The following EBF3 variants were observed in gnomAD, a reference collection of about 807,000 sequenced individuals.
EBF3 encodes EBF transcription factor 3.
In EBF3, 18 loss-of-function variants were observed where a neutral mutation model predicts 77.1. The observed-to-expected ratio is 0.23, with a 90% confidence interval of 0.16 to 0.35. The LOEUF is 0.35. EBF3 is among the 10% of genes least tolerant of loss of function. The pLI is 1.00. For synonymous variants in EBF3, 350 were observed against 343.5 expected, an observed-to-expected ratio of 1.02 and a Z score of -0.21; for missense variants, 558 against 860.0, an observed-to-expected ratio of 0.65 and a Z score of 4.39.
chr10:129,949,952 C>T (rs537305520), intron 6 of EBF3, among the ~76,000 whole-genome samples: 53 of 150,744 alleles, frequency 3.5e-4, no homozygotes, highest in Admixed American at 9.9e-4. Context: ...ACCCTGCCCC[C>T]AACTGCTTTC....
At chr10:129,916,063 G>A (rs1023550761) in intron 6 of EBF3, among the ~76,000 whole-genome samples, 19 of 152,358 alleles carry the variant, frequency 1.2e-4, no homozygotes, top group African/African-American at 4.6e-4. Context: ...GGGCTCCGAG[G>A]GGGAAGGAGA....
chr10:129,908,864 G>C (rs1855324505), intron 6 of EBF3, among the ~76,000 whole-genome samples: 2 of 152,160 alleles, frequency 1.3e-5, no homozygotes, highest in South Asian at 4.1e-4. Context: ...ACACCAATAA[G>C]TATGGCCCAT....
chr10:129,892,462 G>C (rs1415280422), intron 6 of EBF3, among the ~76,000 whole-genome samples: 1 of 152,180 alleles, frequency 6.6e-6, no homozygotes, highest in African/African-American at 2.4e-5. Context: ...CACGGATGCC[G>C]GACACCTGTG....
intron 6 of EBF3, among the ~76,000 whole-genome samples, chr10:129,924,354 G>T (rs891417564): frequency 6.6e-6 from 1 of 151,332 alleles, no homozygotes; most frequent in African/African-American, 2.4e-5. Flanking sequence ...AGTGGAGGTT[G>T]CAGGGAGCCA....
chr10:129,961,443 T>C (rs1285959476), intron 4 of EBF3, among the ~76,000 whole-genome samples: 1 of 152,216 alleles, frequency 6.6e-6, no homozygotes, highest in Non-Finnish European at 1.5e-5. Flanking sequence ...TGACGCACTT[T>C]TCTCCACTTA....
chr10:129,945,985 C>T (rs903396443), intron 6 of EBF3, among the ~76,000 whole-genome samples: 10 of 149,740 alleles, frequency 6.7e-5, no homozygotes, highest in African/African-American at 2.0e-4. Context: ...AGTTTCCACT[C>T]GTTAGAAGAT....
At chr10:129,937,022 G>A (rs1006514749) in intron 6 of EBF3, among the ~76,000 whole-genome samples, 1 of 152,212 alleles carries the variant, frequency 6.6e-6, no homozygotes, top group Non-Finnish European at 1.5e-5. Context: ...CATCTCCTAC[G>A]TGATGCATGC....
chr10:129,859,692 C>T (rs1412820429), intron 10 of EBF3, among the ~76,000 whole-genome samples: 2 of 152,266 alleles, frequency 1.3e-5, no homozygotes, highest in Non-Finnish European at 2.9e-5. Context: ...CATGAAACCA[C>T]GAGCAGCCAG....
Position 129,889,946 on chromosome 10 carries a change from C to CTTTTTTTTT in EBF3, c.555-12106_555-12098dup, listed in dbSNP as rs10665456. 1.9e-4 allele frequency among the ~76,000 whole-genome samples: 16 copies of CTTTTTTTTT among 82,892 alleles called. 2 individuals are homozygous for CTTTTTTTTT. Among genetic ancestry groups the CTTTTTTTTT allele is most frequent in the East Asian group, 5.0e-4 (1 of 2,016 alleles). 54.4% of individuals were successfully genotyped at this position (82,892 alleles called of 152,430 possible). On this transcript the variant is annotated intron_variant, in intron 6 of 16. Coordinates refer to ENST00000440978, the MANE Select transcript of EBF3 (RefSeq NM_001375380.1). The stretch of plus-strand genomic sequence containing the variant: ...AAATGAGCAAAGCCCATTGAAGTGC[C>CTTTTTTTTT]TTTTTTTTTTTTTTTTTTTTTTTTT...
intron 10 of EBF3, among the ~76,000 whole-genome samples, chr10:129,860,105 A>G (rs1205446525): frequency 6.6e-6 from 1 of 151,972 alleles, no homozygotes; most frequent in Non-Finnish European, 1.5e-5. Flanking sequence ...AGGTGATCAC[A>G]CTTATTTTGT....
chr10:129,930,639 T>C (rs1331835174), intron 6 of EBF3, among the ~76,000 whole-genome samples: 2 of 146,754 alleles, frequency 1.4e-5, no homozygotes, highest in African/African-American at 2.5e-5. Flanking sequence ...TATCTCTATA[T>C]TAACAAATCC....
intron 8 of EBF3, among the ~76,000 whole-genome samples, chr10:129,872,182 C>G (rs891693558): frequency 1.3e-5 from 2 of 152,184 alleles, no homozygotes; most frequent in Non-Finnish European, 2.9e-5. Context: ...GCTCCACTCT[C>G]TAGGGAAGCG....
Position 129,842,217 on chromosome 10 carries a change from G to T in EBF3, c.1271C>A (p.Thr424Asn), listed in dbSNP as rs1018953847. ...SVPRNHNQIP[T>N]LGNNPAHTGM... ...CGTGTGTGCAGGGTTGTTGCCCAGG[G>T]TGGGGATCTGGTTGTGATTGCGGGG... Residue 424 changes from threonine to asparagine, a missense_variant, in exon 13 of 17, where the codon ACC becomes AAC. By Grantham distance (65) the Thr-to-Asn change is moderately conservative (BLOSUM62 0). Around this residue, in one of 5 missense-constraint regions of EBF3, gnomAD observed 284 missense variants for 368.3 expected, o/e 0.77. Coordinates refer to ENST00000440978, the MANE Select transcript of EBF3 (RefSeq NM_001375380.1). The surrounding 1 kb of genome is among the most constrained non-coding windows in gnomAD (Gnocchi z 4.4). 1.9e-6 allele frequency: 3 copies of T among 1,614,098 alleles called. No individual in the cohort carries two copies. The highest frequency in any genetic ancestry group is 2.5e-6 in the Non-Finnish European group (3 of 1,180,038).
Position 129,842,358 on chromosome 10 carries a change from G to A in EBF3, c.1195-65C>T, listed in dbSNP as rs938808510. On this transcript the variant is annotated intron_variant, in intron 12 of 16. Coordinates refer to ENST00000440978, the MANE Select transcript of EBF3 (RefSeq NM_001375380.1). This position sits in a 1 kb window ranked among gnomAD's most constrained non-coding sequence, Gnocchi z 4.4. ...GCCCGGCCCAGCTGGCCGCACTCTC[G>A]GGGGCCCACCATGGTGGCATCCCAC... is the stretch of plus-strand genomic sequence containing the variant. 4.5e-5 allele frequency: 68 copies of A among 1,513,324 alleles called. No individual in the cohort carries two copies. The highest frequency in any genetic ancestry group is 1.1e-4 in the Admixed American group (5 of 45,888). The allele number at this position is 1,513,324 out of a possible 1,614,324, so 93.7% of individuals were successfully genotyped here.
At chr10:129,932,842 C>T (rs1364441752) in intron 6 of EBF3, among the ~76,000 whole-genome samples, 5 of 152,116 alleles carry the variant, frequency 3.3e-5, no homozygotes, top group African/African-American at 1.2e-4. Context: ...CTCAAACAAC[C>T]CAGCCTTCAC....
At chr10:129,874,105 G>T (rs1447818112) in intron 7 of EBF3, among the ~76,000 whole-genome samples, 1 of 152,048 alleles carries the variant, frequency 6.6e-6, no homozygotes, top group African/African-American at 2.4e-5. Context: ...ACGATCCCTG[G>T]GTCAATTTTA....
chr10:129,933,974 C>G (rs1857194559), intron 6 of EBF3, among the ~76,000 whole-genome samples: 1 of 152,236 alleles, frequency 6.6e-6, no homozygotes. Context: ...GACCAAGGCC[C>G]TCTGCTCCTG....
intron 4 of EBF3, among the ~76,000 whole-genome samples, chr10:129,959,850 G>T (rs886136039): frequency 6.6e-6 from 1 of 152,110 alleles, no homozygotes; most frequent in Admixed American, 6.5e-5. Flanking sequence ...CTCCTCGCCG[G>T]ATGATATTTG....
At chr10:129,929,688 G>A (rs1187641901) in intron 6 of EBF3, among the ~76,000 whole-genome samples, 2 of 152,180 alleles carry the variant, frequency 1.3e-5, no homozygotes, top group African/African-American at 2.4e-5. Flanking sequence ...CTTTGTCCAC[G>A]AGAGAGGGCC....
Sources: allele counts gnomAD v4.1 joint callset (sites outside exome capture counted in the v4.1 genomes callset), GRCh38; gene constraint gnomAD v4.1.1; regional missense constraint gnomAD v4.1.1; non-coding constraint Gnocchi (gnomAD v3.1); transcripts MANE v1.5; gene names NCBI Gene and HGNC (gene_info 2026-07-23, HGNC 2026-07-21).